The following L2HGDH variants were observed in gnomAD, a reference collection of about 807,000 sequenced individuals.
The protein encoded by L2HGDH is L-2-hydroxyglutarate dehydrogenase, mitochondrial.
In L2HGDH, 34 loss-of-function variants were observed where a neutral mutation model predicts 51.5. That is an observed-to-expected ratio of 0.66 (90% confidence interval 0.50 to 0.88). The LOEUF (loss-of-function observed/expected upper bound fraction) is 0.88. Ranked by LOEUF, L2HGDH falls within the 40% of genes least tolerant of loss-of-function variation. The probability of loss-of-function intolerance (pLI) is 0.00; values close to 1 mark genes in which losing one functional copy is unlikely to be tolerated. For synonymous variants in L2HGDH, 198 were observed against 197.9 expected (o/e 1.00, Z -0.01); for missense variants, 558 against 571.9 (o/e 0.98, Z 0.25).
chr14:50,281,376 T>C (rs1214866751), intron 5 of L2HGDH, among the ~76,000 whole-genome samples: 3 of 152,124 alleles, frequency 2.0e-5, no homozygotes, highest in Non-Finnish European at 4.4e-5. Flanking sequence ...GAAGATCACC[T>C]GAGGTTAAGC....
At chr14:50,273,485 T>C (rs1889808423) in intron 6 of L2HGDH, among the ~76,000 whole-genome samples, 1 of 152,130 alleles carries the variant, frequency 6.6e-6, no homozygotes, top group South Asian at 2.1e-4. Flanking sequence ...ATTAAAAGAT[T>C]AAAGATTTTA....
intron 2 of L2HGDH, 139 bp downstream of exon 2, chr14:50,302,763 G>C: frequency 1.4e-6 from 1 of 711,270 alleles, no homozygotes; most frequent in East Asian, 2.7e-5. Context: ...ATAACCTATA[G>C]CCATGTCCTT....
intron 9 of L2HGDH, among the ~76,000 whole-genome samples, chr14:50,262,289 G>T (rs1473307899): frequency 1.3e-5 from 2 of 151,902 alleles, no homozygotes; most frequent in Admixed American, 1.3e-4. Context: ...AATTAGCTGG[G>T]CATGGTGGCA....
chr14:50,309,332 G>A (rs1375433625), intron 1 of L2HGDH, among the ~76,000 whole-genome samples: 1 of 152,198 alleles, frequency 6.6e-6, no homozygotes, highest in African/African-American at 2.4e-5. Context: ...GGAGGCTGAG[G>A]CGGGTGGATC....
chr14:50,295,947 C>A (rs1406857699), intron 3 of L2HGDH, among the ~76,000 whole-genome samples: 1 of 151,846 alleles, frequency 6.6e-6, no homozygotes, highest in Non-Finnish European at 1.5e-5. Flanking sequence ...CCATGTTGGA[C>A]AGGCTGGTCT....
chr14:50,266,453 T>C (rs559448330), intron 8 of L2HGDH, among the ~76,000 whole-genome samples: 3 of 152,198 alleles, frequency 2.0e-5, no homozygotes, highest in Admixed American at 2.0e-4. Flanking sequence ...GACCAGGCTG[T>C]GTAACATGGC....
At chr14:50,287,741 A>G (rs2139175140) in intron 4 of L2HGDH, among the ~76,000 whole-genome samples, 1 of 119,852 alleles carries the variant, frequency 8.3e-6, no homozygotes, top group Admixed American at 1.2e-4. Flanking sequence ...TCTGTTGCCC[A>G]TGCTGGAGTG....
intron 3 of L2HGDH, among the ~76,000 whole-genome samples, chr14:50,294,902 A>T (rs891913139): frequency 2.0e-5 from 3 of 152,214 alleles, no homozygotes; most frequent in African/African-American, 7.2e-5. Flanking sequence ...TCGAAGGTAT[A>T]TTAGAATTCA....
intron 4 of L2HGDH, among the ~76,000 whole-genome samples, chr14:50,286,013 T>TG: frequency 6.6e-6 from 1 of 152,292 alleles, no homozygotes; most frequent in East Asian, 1.9e-4. Context: ...GCTGCCAAGT[T>TG]GGGGTGGTGT....
At chr14:50,282,551 A>G in intron 5 of L2HGDH, 1 of 455,988 alleles carries the variant, frequency 2.2e-6, no homozygotes, top group Non-Finnish European at 4.4e-6. Context: ...GTAATTAACT[A>G]TGTGGGCTTT....
chr14:50,250,653 C>T (rs559104173), intron 9 of L2HGDH, among the ~76,000 whole-genome samples: 1 of 152,312 alleles, frequency 6.6e-6, no homozygotes, highest in East Asian at 1.9e-4. Context: ...GTGGTGGCCA[C>T]AGGAGTGCTT....
intron 9 of L2HGDH, 29 bp downstream of exon 9, chr14:50,265,329 T>C: frequency 6.3e-7 from 1 of 1,595,808 alleles, no homozygotes; most frequent in African/African-American, 1.3e-5. Context: ...GTCAGGACTG[T>C]ATTTACACTC....
intron 4 of L2HGDH, among the ~76,000 whole-genome samples, chr14:50,291,129 C>T (rs978128470): frequency 1.6e-5 from 2 of 123,870 alleles, no homozygotes; most frequent in South Asian, 2.7e-4. Context: ...CCCAGGGAGA[C>T]GGAGGTTGCA....
In L2HGDH at chr14:50,283,865, G is replaced by A. The variant is rs2139161915; in HGVS notation, c.703+6C>T. 6.2e-7 allele frequency: 1 copy of A among 1,613,018 alleles called. No individual in the cohort carries two copies. The highest frequency in any genetic ancestry group is 8.5e-7 in the Non-Finnish European group (1 of 1,179,116). On this transcript the variant is annotated splice_donor_region_variant and intron_variant, in intron 5 of 9. Transcript: ENST00000267436. ...ATATTCAATAGAAAAGACAAGGATG[G>A]CTTACCATCTATACTTCTTGAAGGA... is the stretch of plus-strand genomic sequence containing the variant.
chr14:50,275,704 A>G (rs534252883), intron 6 of L2HGDH, among the ~76,000 whole-genome samples: 9 of 152,180 alleles, frequency 5.9e-5, no homozygotes, highest in Non-Finnish European at 1.2e-4. Context: ...GGGCTGGGGC[A>G]ATGTCCTCCA....
chr14:50,256,723 C>CT (rs1022428648), intron 9 of L2HGDH, among the ~76,000 whole-genome samples: 4 of 151,826 alleles, frequency 2.6e-5, no homozygotes, highest in African/African-American at 7.3e-5. Context: ...TTTCTATATT[C>CT]TTTTTTTCCT....
intron 4 of L2HGDH, chr14:50,287,123 T>G (rs1890606768): frequency 1.1e-6 from 1 of 920,522 alleles, no homozygotes. Context: ...CAAAAATATG[T>G]GTAATACATA....
intron 5 of L2HGDH, among the ~76,000 whole-genome samples, chr14:50,283,304 T>A (rs1244664536): frequency 6.6e-6 from 1 of 152,166 alleles, no homozygotes; most frequent in Non-Finnish European, 1.5e-5. Context: ...ATAAACAGCC[T>A]TGGCAGTTCA....
intron 4 of L2HGDH, chr14:50,287,397 A>G: frequency 1.5e-6 from 1 of 666,430 alleles, no homozygotes; most frequent in Non-Finnish European, 1.9e-6. Context: ...TTAGGATACC[A>G]GTAATCCTGT....
Sources: allele counts gnomAD v4.1 joint callset (sites outside exome capture counted in the v4.1 genomes callset), GRCh38; gene constraint gnomAD v4.1.1; transcripts MANE v1.5; gene names NCBI Gene and HGNC (gene_info 2026-07-23, HGNC 2026-07-21).